The following TRIM33 variants were observed in gnomAD, a reference collection of about 807,000 sequenced individuals.
TRIM33 encodes the protein E3 ubiquitin-protein ligase TRIM33.
TRIM33 carries 20 observed loss-of-function variants against 125.4 expected under a neutral mutation model. The ratio of observed to expected loss-of-function variants is 0.16; its 90% CI spans 0.11 to 0.23. The LOEUF (loss-of-function observed/expected upper bound fraction) is 0.23. TRIM33 is among the 10% of genes least tolerant of loss of function. TRIM33 has a pLI of 1.00. For missense variants in TRIM33, 920 were observed against 1,411.4 expected, an observed-to-expected ratio of 0.65 and a Z score of 5.58; for synonymous variants, 564 against 513.9, an observed-to-expected ratio of 1.10 and a Z score of -1.32.
chr1:114,471,090 C>T (rs768455178), intron 1 of TRIM33, among the ~76,000 whole-genome samples: 7 of 152,232 alleles, frequency 4.6e-5, no homozygotes, highest in South Asian at 2.1e-4. Flanking sequence ...TGAGCCACTG[C>T]GCCTGGCCTG....
intron 17 of TRIM33, among the ~76,000 whole-genome samples, chr1:114,399,998 CT>C (rs1380528510): frequency 6.6e-6 from 1 of 151,698 alleles, no homozygotes; most frequent in African/African-American, 2.4e-5. Flanking sequence ...AATATGATGT[CT>C]TTTGGAAAAC....
intron 11 of TRIM33, 71 bp downstream of exon 11, chr1:114,421,365 T>C: frequency 7.3e-7 from 1 of 1,374,690 alleles, no homozygotes. Context: ...AAAAAAAAAC[T>C]CTGAAATAAA....
chr1:114,421,651 GAC>G lies in TRIM33; in HGVS notation c.1861-17_1861-16del. The G allele has an allele frequency of 1.2e-6, 2 of 1,612,632 alleles. No individual in the cohort carries two copies. The highest frequency in any genetic ancestry group is 1.7e-5 in the Admixed American group (1 of 59,994). ...GGGTTTGAGTGCTAATAAGAAAGAA[GAC>G]ATTATCATTACTTGATCTGCCAGAA... On this transcript the variant is annotated splice_polypyrimidine_tract_variant and intron_variant, in intron 10 of 19. Transcript: ENST00000358465.
intron 4 of TRIM33, among the ~76,000 whole-genome samples, chr1:114,460,579 T>TC (rs1415852843): frequency 7.5e-6 from 1 of 134,088 alleles, no homozygotes; most frequent in Non-Finnish European, 1.6e-5. Flanking sequence ...CCACCTTTTT[T>TC]TTTTTTTTTT....
In TRIM33 at chr1:114,395,214, GT is replaced by G. The variant is rs1651481550; in HGVS notation, c.*2433del. 4.9e-6 allele frequency: 1 copy of G among 205,610 alleles called. No individual in the cohort carries two copies. The highest frequency in any genetic ancestry group is 9.9e-6 in the Non-Finnish European group (1 of 100,676). The allele number at this position is 205,610 out of a possible 1,614,324, so 12.7% of individuals were successfully genotyped here. A position where few individuals can be genotyped will look rare whatever the true frequency, so the allele number is the denominator to read the frequency against. On this transcript the variant is annotated 3_prime_UTR_variant, in exon 20 of 20. Coordinates refer to ENST00000358465, the MANE Select transcript of TRIM33 (RefSeq NM_015906.4). ...GAATACCTTAATTTAATGGTGGTAT[GT>G]TGATAGCTATTAATAGTAATTCCTC...
chr1:114,459,847 G>C (rs1172195132), intron 4 of TRIM33: 1 of 152,316 alleles, frequency 6.6e-6, no homozygotes, highest in African/African-American at 2.4e-5. Context: ...CAACAGATCA[G>C]ACTAAAAATC....
chr1:114,403,900 G>C (rs1652064261), intron 15 of TRIM33, among the ~76,000 whole-genome samples: 1 of 152,040 alleles, frequency 6.6e-6, no homozygotes, highest in African/African-American at 2.4e-5. Flanking sequence ...CTAGCCTCAA[G>C]TGATCCACCT....
intron 4 of TRIM33, among the ~76,000 whole-genome samples, chr1:114,442,380 C>T (rs577545847): frequency 2.3e-4 from 35 of 152,116 alleles, no homozygotes; most frequent in Non-Finnish European, 4.3e-4. Flanking sequence ...TCTTCAACTA[C>T]TTGGATTGCA....
intron 4 of TRIM33, among the ~76,000 whole-genome samples, chr1:114,440,204 G>GA (rs1240472923): frequency 2.0e-5 from 3 of 152,068 alleles, no homozygotes; most frequent in Non-Finnish European, 4.4e-5. Context: ...CTTCACATGT[G>GA]AATTTTCAGA....
intron 10 of TRIM33, among the ~76,000 whole-genome samples, chr1:114,422,470 A>G (rs76102324): frequency 6.6e-5 from 10 of 150,426 alleles, no homozygotes; most frequent in Admixed American, 2.6e-4. Flanking sequence ...CAGACCATCA[A>G]TCTTTTGTAT....
intron 1 of TRIM33, among the ~76,000 whole-genome samples, chr1:114,481,667 A>G (rs961648767): frequency 5.7e-5 from 7 of 123,402 alleles, no homozygotes; most frequent in Non-Finnish European, 1.2e-4. Context: ...GTGTGTATAT[A>G]TATGTGTGTA....
At chr1:114,510,083 T>C (rs1653247994) in intron 1 of TRIM33, among the ~76,000 whole-genome samples, 1 of 152,092 alleles carries the variant, frequency 6.6e-6, no homozygotes, top group African/African-American at 2.4e-5. Context: ...ATTTAATCCA[T>C]AGTCCTCCTC....
intron 4 of TRIM33, among the ~76,000 whole-genome samples, chr1:114,443,757 G>A (rs1040117739): frequency 6.6e-6 from 1 of 152,070 alleles, no homozygotes; most frequent in African/African-American, 2.4e-5. Context: ...GGTGGAGCCA[G>A]GTGTGGTAGC....
intron 13 of TRIM33, among the ~76,000 whole-genome samples, chr1:114,407,932 T>G (rs1207596289): frequency 6.6e-6 from 1 of 152,092 alleles, no homozygotes; most frequent in Non-Finnish European, 1.5e-5. Flanking sequence ...GATACAATAA[T>G]TAAAATGTAA....
In TRIM33 at chr1:114,472,667, T is replaced by C. The variant is rs373953887; in HGVS notation, c.527-8279A>G. On this transcript the variant is annotated intron_variant, in intron 1 of 19. Transcript: ENST00000358465. ...ATCACCTGAGGGTGTGAGGTCAAGC[T>C]GCAGTGAGCAGTGATTGGGCCACTG... Among the ~76,000 whole-genome samples the C allele has an allele frequency of 2.0e-5, 3 of 152,062 alleles. No individual in the cohort carries two copies. In the East Asian group the frequency reaches 5.8e-4, roughly 29 times the overall value.
At chr1:114,443,303 GAACTC>G (rs1230294806) in intron 4 of TRIM33, among the ~76,000 whole-genome samples, 1 of 152,144 alleles carries the variant, frequency 6.6e-6, no homozygotes, top group Non-Finnish European at 1.5e-5. Flanking sequence ...AGAATCGCTT[GAACTC>G]AAGAGGCAGA....
intron 4 of TRIM33, among the ~76,000 whole-genome samples, chr1:114,439,202 A>G (rs1310130369): frequency 6.6e-6 from 1 of 152,130 alleles, no homozygotes; most frequent in African/African-American, 2.4e-5. Context: ...GGCTGGGCAC[A>G]GTGGCTCACG....
At chr1:114,501,057 G>A (rs1652682435) in intron 1 of TRIM33, among the ~76,000 whole-genome samples, 1 of 115,162 alleles carries the variant, frequency 8.7e-6, no homozygotes, top group Non-Finnish European at 1.8e-5. Context: ...GGGCGTAGTG[G>A]CGGGCGCCTG....
At position 114,410,235 on chromosome 1, in the gene TRIM33, T is replaced by C; in HGVS notation, c.2143A>G (p.Ser715Gly). ...SGSHLPPQPT[S>G]TMNPSPGPSA... ...GGACCTGGAGAAGGATTCATGGTGC[T>C]TGTAGGCTGTGGGGGTAGGTGACTG... The change falls in exon 12 of 20, where the codon AGC (serine) becomes GGC (glycine). Residue 715 changes from serine (S) to glycine (G), a missense_variant. Coordinates refer to ENST00000358465, the MANE Select transcript of TRIM33 (RefSeq NM_015906.4). The C allele has an allele frequency of 6.2e-7, 1 of 1,614,064 alleles. No individual in the cohort carries two copies. The highest frequency in any genetic ancestry group is 8.5e-7 in the Non-Finnish European group (1 of 1,179,982).
Sources: allele counts gnomAD v4.1 joint callset (sites outside exome capture counted in the v4.1 genomes callset), GRCh38; gene constraint gnomAD v4.1.1; transcripts MANE v1.5; gene names NCBI Gene and HGNC (gene_info 2026-07-23, HGNC 2026-07-21).